DOP1A: variants seen among roughly 807,000 people sequenced by gnomAD.
DOP1A encodes the protein protein DOP1A.
DOP1A carries 90 observed loss-of-function variants against 267.6 expected under a neutral mutation model. That is an observed-to-expected ratio of 0.34 (90% CI 0.28 to 0.40). The LOEUF (loss-of-function observed/expected upper bound fraction) is 0.40. Among genes scored for constraint, DOP1A ranks in the 10% least tolerant of loss-of-function variants. The pLI is 1.00. For missense variants in DOP1A, 2,437 were observed against 2,900.4 expected, an observed-to-expected ratio of 0.84 and a Z score of 3.67; for synonymous variants, 932 against 999.1, an observed-to-expected ratio of 0.93 and a Z score of 1.27.
chr6:83,074,876 A>G (rs1766795453), intron 1 of DOP1A, among the ~76,000 whole-genome samples: 1 of 152,194 alleles, frequency 6.6e-6, no homozygotes, highest in East Asian at 1.9e-4. Context: ...TGCTAAATGA[A>G]ATGTTGAATA....
At chr6:83,130,065 G>C (rs79712428) in intron 16 of DOP1A, 58 bp from the exon 17 acceptor site, 20 of 1,563,332 alleles carry the variant, frequency 1.3e-5, no homozygotes, top group Non-Finnish European at 1.5e-5. Flanking sequence ...AATTAACTTA[G>C]AGTGTGTGTG....
chr6:83,092,563 C>T (rs7747837), intron 1 of DOP1A, among the ~76,000 whole-genome samples: 3 of 115,848 alleles, frequency 2.6e-5, no homozygotes, highest in Admixed American at 9.4e-5. Flanking sequence ...CCCTCCCCCC[C>T]CCCCCACCAT....
At chr6:83,153,154 GT>G (rs5877836) in intron 30 of DOP1A, among the ~76,000 whole-genome samples, 52,436 of 151,026 alleles carry the variant, frequency 0.35, 10,508 homozygotes, top group African/African-American at 0.56. Flanking sequence ...TCAATTGTTT[GT>G]TTTTTTTTCC....
intron 1 of DOP1A, among the ~76,000 whole-genome samples, chr6:83,083,041 C>T (rs778328450): frequency 2.0e-5 from 3 of 152,218 alleles, no homozygotes; most frequent in Middle Eastern, 3.4e-3. Flanking sequence ...CTCCTGACCT[C>T]AGGTGATCCA....
At chr6:83,119,661 G>T in intron 8 of DOP1A, 87 bp from the exon 9 acceptor site, 1 of 1,038,932 alleles carries the variant, frequency 9.6e-7, no homozygotes, top group Non-Finnish European at 1.5e-6. Flanking sequence ...GTTTAGTGCT[G>T]TTCTGAGATT....
intron 35 of DOP1A, among the ~76,000 whole-genome samples, chr6:83,157,799 C>T (rs186769868): frequency 5.3e-4 from 81 of 152,244 alleles, no homozygotes; most frequent in African/African-American, 1.2e-3. Context: ...ACCTACCAAA[C>T]GGTAAAACCT....
intron 23 of DOP1A, among the ~76,000 whole-genome samples, chr6:83,141,413 A>G (rs879861539): frequency 7.2e-5 from 11 of 152,196 alleles, no homozygotes; most frequent in South Asian, 2.1e-4. Flanking sequence ...ATATCCTTCA[A>G]TAACCTAATT....
intron 7 of DOP1A, among the ~76,000 whole-genome samples, chr6:83,117,419 G>A (rs1420351092): frequency 6.6e-6 from 1 of 152,082 alleles, no homozygotes; most frequent in Non-Finnish European, 1.5e-5. Flanking sequence ...CAAAGTGCTG[G>A]GATTACAGGT....
At chr6:83,111,363 C>T (rs1345468431) in intron 6 of DOP1A, among the ~76,000 whole-genome samples, 2 of 151,072 alleles carry the variant, frequency 1.3e-5, no homozygotes, top group Non-Finnish European at 2.9e-5. Flanking sequence ...TATGGACATG[C>T]GTTTTCATTT....
chr6:83,129,590 G>T, intron 16 of DOP1A, 82 bp downstream of exon 16: 5 of 1,297,564 alleles, frequency 3.9e-6, no homozygotes, highest in Non-Finnish European at 5.0e-6. Flanking sequence ...TCAAAACTGG[G>T]GTTTTTTTAG....
intron 4 of DOP1A, among the ~76,000 whole-genome samples, chr6:83,106,531 C>T (rs554705213): frequency 4.6e-5 from 7 of 151,298 alleles, no homozygotes; most frequent in South Asian, 4.2e-4. Context: ...ACCAGGAGGC[C>T]GGGCTCAGTG....
chr6:83,120,735 T>C lies in DOP1A; in HGVS notation c.1043T>C (p.Met348Thr). The change falls in exon 10 of 39, where the codon ATG becomes ACG. Residue 348 changes from methionine (M) to threonine (T), a missense_variant. Met to Thr is a moderately conservative substitution (Grantham distance 81). This residue lies in a region of DOP1A where 498 missense variants were observed against 513.5 expected (regional missense o/e 0.97). Coordinates refer to ENST00000349129, the MANE Select transcript of DOP1A (RefSeq NM_015018.4). ...VNGFGEENTL[M>T]QDLKPFRILI... is the part of the protein sequence containing the mutation. ...GGATTTGGAGAAGAGAACACTCTAA[T>C]GCAGGATCTAAAGCCTTTTCGCATT... The C allele has an allele frequency of 6.3e-7, 1 of 1,584,922 alleles. No homozygotes were observed. Among genetic ancestry groups the C allele is most frequent in the Non-Finnish European group, 8.6e-7 (1 of 1,159,674 alleles).
Position 83,119,925 on chromosome 6 carries a change from G to A in DOP1A, c.990+68G>A, listed in dbSNP as rs537731967. The A allele has an allele frequency of 5.2e-5, 67 of 1,290,018 alleles. 1 individual carries two copies. The highest frequency in any genetic ancestry group is 1.3e-4 in the South Asian group (10 of 77,054). 79.9% of individuals were successfully genotyped at this position (1,290,018 alleles called of 1,614,324 possible). On this transcript the variant is annotated intron_variant, in intron 9 of 38. Coordinates refer to ENST00000349129, the MANE Select transcript of DOP1A (RefSeq NM_015018.4). ...TAGAGGTAGTGAAAAAGTGTAAGACGAGGTCTTGCCTTAATTGAATTCACA... is the reference window on the plus strand; with the variant it reads ...TAGAGGTAGTGAAAAAGTGTAAGACAAGGTCTTGCCTTAATTGAATTCACA...
downstream of DOP1A, chr6:83,168,794 G>A: frequency 9.9e-7 from 1 of 1,007,374 alleles, no homozygotes; most frequent in Non-Finnish European, 1.2e-6. Context: ...ACTCTGCAAT[G>A]GAAAAACTGG....
rs919835772 is a variant in DOP1A at position 83,099,199 on chromosome 6, A to G, written c.139-1506A>G. 5.3e-5 allele frequency among the ~76,000 whole-genome samples: 8 copies of G among 152,214 alleles called. 1 individual carries two copies. Among genetic ancestry groups the G allele is most frequent in the Admixed American group, 5.2e-4 (8 of 15,284 alleles). ...ACCTACAGACACACTCTCACTCACA[A>G]TACCACACCAGGACACTAGTTTTCA... On this transcript the variant is annotated intron_variant, in intron 3 of 38. Transcript: ENST00000349129.
intron 1 of DOP1A, among the ~76,000 whole-genome samples, chr6:83,092,939 T>G (rs529133245): frequency 6.6e-6 from 1 of 152,228 alleles, no homozygotes; most frequent in South Asian, 2.1e-4. Flanking sequence ...TTTCTGGAAT[T>G]TTTCATGTAA....
In DOP1A at chr6:83,167,928, A is replaced by G. The variant is rs1786216265; in HGVS notation, c.7159A>G (p.Ile2387Val). Reference sequence around the variant, plus strand: ...GGAGCCAGGGCACTTGCTGCTCACCATCTGCACCGTGCGCAGTATGGAGCA... The same window carrying G: ...GGAGCCAGGGCACTTGCTGCTCACCGTCTGCACCGTGCGCAGTATGGAGCA... ...GWEPGHLLLT[I>V]CTVRSMEQLL... is the part of the protein sequence containing the mutation. Residue 2387 changes from isoleucine to valine, a missense_variant, in exon 39 of 39, where the codon ATC (isoleucine) becomes GTC (valine). By Grantham distance (29) the Ile-to-Val change is conservative. Coordinates refer to ENST00000349129, the MANE Select transcript of DOP1A (RefSeq NM_015018.4). The G allele has an allele frequency of 6.2e-7, 1 of 1,614,084 alleles. No individual in the cohort carries two copies. The highest frequency in any genetic ancestry group is 1.3e-5 in the African/African-American group (1 of 74,938).
intron 1 of DOP1A, among the ~76,000 whole-genome samples, chr6:83,093,840 A>C (rs1770941570): frequency 6.6e-6 from 1 of 152,226 alleles, no homozygotes; most frequent in Non-Finnish European, 1.5e-5. Context: ...CAGGAGGCGG[A>C]GATTGCAGTG....
intron 7 of DOP1A, among the ~76,000 whole-genome samples, chr6:83,117,438 C>T (rs983399072): frequency 1.3e-5 from 2 of 152,170 alleles, no homozygotes; most frequent in Non-Finnish European, 2.9e-5. Flanking sequence ...GTGTGAGTCA[C>T]GGTGCCCGGC....
Sources: allele counts gnomAD v4.1 joint callset (sites outside exome capture counted in the v4.1 genomes callset), GRCh38; gene constraint gnomAD v4.1.1; regional missense constraint gnomAD v4.1.1; transcripts MANE v1.5; gene names NCBI Gene and HGNC (gene_info 2026-07-23, HGNC 2026-07-21).